KIF26B: variants seen among roughly 807,000 people sequenced by gnomAD.
KIF26B encodes kinesin family member 26B.
A neutral mutation model predicts 151.2 loss-of-function variants in KIF26B; 63 were observed. That is an observed-to-expected ratio of 0.42 (90% CI 0.34 to 0.51). The LOEUF (loss-of-function observed/expected upper bound fraction) is 0.51, where lower values mean the gene tolerates loss of function less well. Among genes scored for constraint, KIF26B ranks in the 20% least tolerant of loss-of-function variants. The probability of loss-of-function intolerance (pLI) is 0.07; values close to 1 mark genes in which losing one functional copy is unlikely to be tolerated. For synonymous variants in KIF26B, 1,357 were observed against 1,262.1 expected (o/e 1.08, Z -1.59); for missense variants, 2,813 against 2,913.6 (o/e 0.97, Z 0.79).
chr1:245,281,771 T>C (rs1329319052), intron 2 of KIF26B, among the ~76,000 whole-genome samples: 1 of 152,146 alleles, frequency 6.6e-6, no homozygotes, highest in African/African-American at 2.4e-5. Flanking sequence ...CCATCTTGAA[T>C]TGATTTTTTA....
At chr1:245,192,652 T>C (rs758513427) in intron 2 of KIF26B, among the ~76,000 whole-genome samples, 49 of 152,252 alleles carry the variant, frequency 3.2e-4, no homozygotes, top group Non-Finnish European at 5.3e-4. Context: ...ATGTTTATTT[T>C]AGGGGCCTCC....
In KIF26B at chr1:245,629,924, G is replaced by T. The variant is rs532966208; in HGVS notation, c.2099-16197G>T. ...AACAAACATCAAAAAGTGGGCAAAG[G>T]ATATGGAGAGACACTTCTCAAAAGA... On this transcript the variant is annotated intron_variant, in intron 9 of 14. Coordinates refer to ENST00000407071, the MANE Select transcript of KIF26B (RefSeq NM_018012.4). Among the ~76,000 whole-genome samples, 3 of 151,614 alleles carry T rather than the reference G, an allele frequency of 2.0e-5. No individual in the cohort carries two copies. In the South Asian group the frequency reaches 6.2e-4, roughly 32 times the overall value.
At chr1:245,527,002 G>A (rs1228413525) in intron 4 of KIF26B, among the ~76,000 whole-genome samples, 1 of 152,168 alleles carries the variant, frequency 6.6e-6, no homozygotes, top group Non-Finnish European at 1.5e-5. Flanking sequence ...AAATACTAAG[G>A]AAAACTCTAA....
At position 245,686,747 on chromosome 1, in the gene KIF26B, A is replaced by C. The variant is rs1349952462; in HGVS notation, c.3764A>C (p.Gln1255Pro). The change falls in exon 12 of 15, where the codon CAG becomes CCG. Residue 1255 changes from glutamine (Q) to proline (P), a missense_variant. Gln to Pro is a moderately conservative substitution (Grantham distance 76). This residue lies in a region of KIF26B where 2,060 missense variants were observed against 2,088.6 expected (regional missense o/e 0.99). Transcript: ENST00000407071. This position sits in a 1 kb window ranked among gnomAD's most constrained non-coding sequence, Gnocchi z 5.6. ...CCCGTCTCCGAGGTCAGCATCACAC[A>C]GTTCTTGCCCCTCCCGAAGATGAGC... ...TAPVSEVSIT[Q>P]FLPLPKMSLD... 2.5e-6 allele frequency: 4 copies of C among 1,613,146 alleles called. No individual in the cohort carries two copies. The African/African-American group carries it at 5.4e-5, about 22-fold the overall frequency.
intron 4 of KIF26B, among the ~76,000 whole-genome samples, chr1:245,423,750 G>A (rs1658554120): frequency 6.6e-6 from 1 of 152,136 alleles, no homozygotes; most frequent in South Asian, 2.1e-4. Context: ...AAATGTTGGT[G>A]TTCATCTCCA....
chr1:245,648,232 T>C (rs2043974890), intron 10 of KIF26B, among the ~76,000 whole-genome samples: 1 of 152,232 alleles, frequency 6.6e-6, no homozygotes, highest in South Asian at 2.1e-4. Context: ...ATGATTTCTA[T>C]AAATAGTTGT....
At position 245,244,871 on chromosome 1, in the gene KIF26B, C is replaced by G. The variant is rs1255548999; in HGVS notation, c.465+88188C>G. ...TTCCTTCTGTTCTTCTAAGTCCCTT[C>G]TACTTTATTCAGAGATTATCATCAT... is the stretch of plus-strand genomic sequence containing the variant. On this transcript the variant is annotated intron_variant, in intron 2 of 14. Coordinates refer to ENST00000407071, the MANE Select transcript of KIF26B (RefSeq NM_018012.4). This position sits in a 1 kb window ranked among gnomAD's most constrained non-coding sequence, Gnocchi z 4.2. Among the ~76,000 whole-genome samples, 1 of 151,862 alleles carries G rather than the reference C, an allele frequency of 6.6e-6. No homozygotes were observed. Among genetic ancestry groups the G allele is most frequent in the African/African-American group, 2.4e-5 (1 of 41,354 alleles).
At chr1:245,221,404 G>A (rs1309166726) in intron 2 of KIF26B, among the ~76,000 whole-genome samples, 1 of 137,554 alleles carries the variant, frequency 7.3e-6, no homozygotes, top group Admixed American at 7.4e-5. Context: ...AAAAAATTCT[G>A]TTCTTCCTGC....
chr1:245,394,734 G>A (rs1294113505), intron 3 of KIF26B, among the ~76,000 whole-genome samples: 4 of 125,230 alleles, frequency 3.2e-5, no homozygotes, highest in South Asian at 2.4e-4. Flanking sequence ...CTTGTTGCCC[G>A]GGCTAGAGTG....
intron 2 of KIF26B, among the ~76,000 whole-genome samples, chr1:245,296,658 T>A (rs1032544313): frequency 3.3e-5 from 5 of 152,220 alleles, no homozygotes; most frequent in African/African-American, 1.2e-4. Flanking sequence ...GAAGTCGGCC[T>A]CACTTTTCCC....
chr1:245,205,420 T>C (rs1669382145), intron 2 of KIF26B, among the ~76,000 whole-genome samples: 2 of 152,200 alleles, frequency 1.3e-5, no homozygotes, highest in African/African-American at 4.8e-5. Context: ...ACTGCCTTAT[T>C]GAATCTTATA....
At chr1:245,625,531 T>G (rs2043714984) in intron 9 of KIF26B, among the ~76,000 whole-genome samples, 1 of 152,246 alleles carries the variant, frequency 6.6e-6, no homozygotes, top group African/African-American at 2.4e-5. Flanking sequence ...CACATATTTA[T>G]GGGTGATATT....
intron 4 of KIF26B, among the ~76,000 whole-genome samples, chr1:245,433,406 G>A (rs552130034): frequency 1.3e-5 from 2 of 151,500 alleles, no homozygotes; most frequent in East Asian, 1.9e-4. Context: ...GGTGGAGGTT[G>A]CAGTGAGCCG....
At chr1:245,276,986 G>C (rs1450617703) in intron 2 of KIF26B, among the ~76,000 whole-genome samples, 2 of 152,142 alleles carry the variant, frequency 1.3e-5, no homozygotes, top group Non-Finnish European at 2.9e-5. Flanking sequence ...GACAGAAATG[G>C]AGGAGACACA....
chr1:245,684,420 G>T lies in KIF26B; in HGVS notation c.2421+25G>T, dbSNP rs763274043. The T allele has an allele frequency of 7.1e-6, 11 of 1,550,904 alleles. 1 individual carries two copies. The East Asian group carries it at 1.9e-4, about 27-fold the overall frequency. On this transcript the variant is annotated intron_variant, in intron 11 of 14. Coordinates refer to ENST00000407071, the MANE Select transcript of KIF26B (RefSeq NM_018012.4). Reference sequence around the variant, plus strand: ...GGTAAGGAGCTCGCGGGGTGGGGGGGTGGTGGATGAGGGAGCCTTTGGAGC... The same window carrying T: ...GGTAAGGAGCTCGCGGGGTGGGGGGTTGGTGGATGAGGGAGCCTTTGGAGC...
At chr1:245,374,143 A>G (rs1673216759) in intron 3 of KIF26B, among the ~76,000 whole-genome samples, 1 of 116,584 alleles carries the variant, frequency 8.6e-6, no homozygotes, top group African/African-American at 3.1e-5. Context: ...ATATATGGGC[A>G]CAAAAGGATG....
intron 4 of KIF26B, among the ~76,000 whole-genome samples, chr1:245,482,100 CTT>C (rs1204417007): frequency 1.3e-5 from 2 of 151,680 alleles, no homozygotes; most frequent in Admixed American, 1.3e-4. Context: ...TATTTATTGA[CTT>C]ATTTTTTGAT....
intron 4 of KIF26B, among the ~76,000 whole-genome samples, chr1:245,520,463 G>T (rs1016367490): frequency 6.6e-6 from 1 of 152,182 alleles, no homozygotes; most frequent in African/African-American, 2.4e-5. Flanking sequence ...TATTTTACGT[G>T]TTGTCATCAT....
intron 10 of KIF26B, among the ~76,000 whole-genome samples, chr1:245,680,509 TG>T (rs887513101): frequency 2.0e-5 from 3 of 152,052 alleles, no homozygotes; most frequent in Non-Finnish European, 4.4e-5. Flanking sequence ...GATTGAGTCA[TG>T]GGTGGGGAGT....
Sources: allele counts gnomAD v4.1 joint callset (sites outside exome capture counted in the v4.1 genomes callset), GRCh38; gene constraint gnomAD v4.1.1; regional missense constraint gnomAD v4.1.1; non-coding constraint Gnocchi (gnomAD v3.1); transcripts MANE v1.5; gene names NCBI Gene and HGNC (gene_info 2026-07-23, HGNC 2026-07-21).